REEP1: variants seen among roughly 807,000 people sequenced by gnomAD.
The protein encoded by REEP1 is receptor expression-enhancing protein 1.
In REEP1, 22 loss-of-function variants were observed where a neutral mutation model predicts 40.3. The ratio of observed to expected loss-of-function variants is 0.55; its 90% CI spans 0.39 to 0.78. The LOEUF (loss-of-function observed/expected upper bound fraction) is 0.78, where lower values mean the gene tolerates loss of function less well. Ranked by LOEUF, REEP1 falls within the 30% of genes least tolerant of loss-of-function variation. REEP1 has a pLI of 0.00. For missense variants in REEP1, 280 were observed against 361.1 expected, an observed-to-expected ratio of 0.78 and a Z score of 1.82; for synonymous variants, 116 against 139.2, an observed-to-expected ratio of 0.83 and a Z score of 1.17.
chr2:86,242,082 A>C (rs1675693813), intron 5 of REEP1, among the ~76,000 whole-genome samples: 4 of 152,148 alleles, frequency 2.6e-5, no homozygotes, highest in Non-Finnish European at 5.9e-5. Flanking sequence ...AATCAGCCTG[A>C]GATCAAACTG....
At chr2:86,231,509 C>T (rs944692600) in intron 6 of REEP1, among the ~76,000 whole-genome samples, 11 of 152,200 alleles carry the variant, frequency 7.2e-5, no homozygotes, top group Admixed American at 3.3e-4. Context: ...CTAAGACCCC[C>T]GGGCATCAGA....
intron 2 of REEP1, among the ~76,000 whole-genome samples, chr2:86,264,850 A>C (rs566502941): frequency 3.3e-5 from 5 of 152,356 alleles, no homozygotes; most frequent in African/African-American, 1.2e-4. Flanking sequence ...CAAGCTTTGG[A>C]GCACGGGAAC....
chr2:86,232,861 C>G (rs371127552), intron 5 of REEP1, 59 bp from the exon 6 acceptor site: 1 of 1,538,896 alleles, frequency 6.5e-7, no homozygotes. Context: ...TCACACTCGA[C>G]AAAGGCCAAG....
At chr2:86,251,423 T>C (rs1676265155) in intron 5 of REEP1, 2 of 186,254 alleles carry the variant, frequency 1.1e-5, no homozygotes, top group Admixed American at 1.1e-4. Flanking sequence ...CTGACCTCCA[T>C]GTCTGGACCA....
At chr2:86,295,632 C>T (rs905571287) in intron 1 of REEP1, among the ~76,000 whole-genome samples, 8 of 152,204 alleles carry the variant, frequency 5.3e-5, no homozygotes, top group African/African-American at 9.7e-5. Context: ...CTCCGCCTCC[C>T]GGATTCAAGC....
intron 2 of REEP1, among the ~76,000 whole-genome samples, chr2:86,272,979 C>G (rs1245421306): frequency 6.6e-6 from 1 of 151,992 alleles, no homozygotes; most frequent in Non-Finnish European, 1.5e-5. Context: ...CAAAAATTAG[C>G]TGGGCATGGT....
At chr2:86,265,993 A>C (rs1293507044) in intron 2 of REEP1, among the ~76,000 whole-genome samples, 1 of 152,262 alleles carries the variant, frequency 6.6e-6, no homozygotes, top group Non-Finnish European at 1.5e-5. Context: ...AATGAATCAC[A>C]CACAAGGTTC....
chr2:86,305,511 A>C lies in REEP1; in HGVS notation c.33-23269T>G, dbSNP rs555758584. 6.6e-5 allele frequency among the ~76,000 whole-genome samples: 10 copies of C among 152,318 alleles called. No homozygotes were observed. The East Asian group carries it at 1.5e-3, about 23-fold the overall frequency. The stretch of plus-strand genomic sequence containing the variant: ...CTTAAGCCAATTTCCCTATTCCAGG[A>C]GCTCTCAAACTTGAGAGGCATGAAA... On this transcript the variant is annotated intron_variant, in intron 1 of 8. Transcript: ENST00000538924.
intron 3 of REEP1, among the ~76,000 whole-genome samples, chr2:86,255,706 A>C (rs760167606): frequency 1.3e-5 from 2 of 152,166 alleles, no homozygotes; most frequent in Non-Finnish European, 2.9e-5. Context: ...GGAAACAGAG[A>C]TTTATAAAAT....
At chr2:86,259,942 G>A (rs543778843) in intron 3 of REEP1, among the ~76,000 whole-genome samples, 2 of 152,238 alleles carry the variant, frequency 1.3e-5, no homozygotes, top group South Asian at 4.1e-4. Flanking sequence ...AAAAGTTAAA[G>A]GTGCTTCTAG....
At chr2:86,218,104 C>T (rs1256579049) in intron 8 of REEP1, among the ~76,000 whole-genome samples, 1 of 152,186 alleles carries the variant, frequency 6.6e-6, no homozygotes, top group African/African-American at 2.4e-5. Flanking sequence ...CCTCCCTCCT[C>T]TGTCTTGCAT....
rs1257400215 is a variant in REEP1 at position 86,215,361 on chromosome 2, C to T, written c.*1678G>A. ...TGGCAACAATCAGCTTCAAATCAAA[C>T]CCTTTCTGGGGTGGCTAAGATCCAG... On this transcript the variant is annotated 3_prime_UTR_variant, in exon 9 of 9. Transcript: ENST00000538924. 6.6e-6 allele frequency: 1 copy of T among 152,218 alleles called. No individual in the cohort carries two copies. Among genetic ancestry groups the T allele is most frequent in the Non-Finnish European group, 1.5e-5 (1 of 68,030 alleles). The allele number at this position is 152,218 out of a possible 1,614,324, so 9.4% of individuals were successfully genotyped here. A position where few individuals can be genotyped will look rare whatever the true frequency, so the allele number is the denominator to read the frequency against.
chr2:86,277,035 G>C (rs2161895), intron 2 of REEP1, among the ~76,000 whole-genome samples: 1 of 152,258 alleles, frequency 6.6e-6, no homozygotes, highest in South Asian at 2.1e-4. Context: ...GATACAAAAT[G>C]GTTTCAATGA....
At chr2:86,226,638 T>C (rs889602163) in intron 7 of REEP1, among the ~76,000 whole-genome samples, 31 of 151,014 alleles carry the variant, frequency 2.1e-4, no homozygotes, top group African/African-American at 7.6e-4. Flanking sequence ...CTGGCTTTTT[T>C]TTTTTTTTAA....
At chr2:86,226,463 C>T (rs79408964) in intron 7 of REEP1, among the ~76,000 whole-genome samples, 933 of 28,868 alleles carry the variant, frequency 0.032, 20 homozygotes, top group East Asian at 0.16. Context: ...GTGGCTTTTT[C>T]TTTTCTTTTT....
chr2:86,231,846 C>CG (rs1289923748), intron 6 of REEP1, among the ~76,000 whole-genome samples: 2 of 152,168 alleles, frequency 1.3e-5, no homozygotes, highest in African/African-American at 2.4e-5. Context: ...GATCCGATGT[C>CG]GGGGGGTCCC....
At chr2:86,324,062 GA>G (rs1426465157) in intron 1 of REEP1, among the ~76,000 whole-genome samples, 1 of 151,754 alleles carries the variant, frequency 6.6e-6, no homozygotes, top group African/African-American at 2.4e-5. Flanking sequence ...AGAAAAACTA[GA>G]AAACTGCTAG....
intron 1 of REEP1, among the ~76,000 whole-genome samples, chr2:86,317,286 AT>A (rs893320344): frequency 2.6e-5 from 4 of 152,104 alleles, no homozygotes; most frequent in Non-Finnish European, 5.9e-5. Context: ...CCAATAAAGG[AT>A]TTTTTTTGAC....
At position 86,289,408 on chromosome 2, in the gene REEP1, A is replaced by G. The variant is rs538628950; in HGVS notation, c.33-7166T>C. ...TGCACCTATACCACGGTGTCTTTAT[A>G]ATAACCATAATATTAACAACCATGA... On this transcript the variant is annotated intron_variant, in intron 1 of 8. Transcript: ENST00000538924. Among the ~76,000 whole-genome samples, 3 of 152,340 alleles carry G rather than the reference A, an allele frequency of 2.0e-5. No homozygotes were observed. In the South Asian group the frequency reaches 6.2e-4, roughly 32 times the overall value.
Sources: gnomAD v4.1 joint callset for allele counts (sites outside exome capture counted in the v4.1 genomes callset) on GRCh38, gnomAD v4.1.1 for gene constraint, MANE v1.5 for transcripts, NCBI Gene and HGNC (gene_info 2026-07-23, HGNC 2026-07-21) for gene names.